Variants in RGS9 observed in about 807,000 individuals in gnomAD.
RGS9 encodes the protein regulator of G protein signaling 9.
In RGS9, 78 loss-of-function variants were observed where a neutral mutation model predicts 102.0. That is an observed-to-expected ratio of 0.76 (90% CI 0.64 to 0.92). RGS9 has a LOEUF of 0.92. Among genes scored for constraint, RGS9 ranks in the 40% least tolerant of loss-of-function variants. The pLI is 0.00. For missense variants in RGS9, 833 were observed against 866.1 expected (o/e 0.96, Z 0.48); for synonymous variants, 353 against 318.6 (o/e 1.11, Z -1.15).
intron 9 of RGS9, among the ~76,000 whole-genome samples, chr17:65,183,716 C>T (rs372507340): frequency 1.3e-5 from 2 of 152,204 alleles, no homozygotes; most frequent in Non-Finnish European, 2.9e-5. Context: ...CTCCCCATCT[C>T]GCCTTTGGCT....
chr17:65,196,608 G>A (rs538619060), intron 12 of RGS9, among the ~76,000 whole-genome samples: 26 of 151,418 alleles, frequency 1.7e-4, no homozygotes, highest in African/African-American at 5.5e-4. Context: ...GGTCTACTCC[G>A]AGGCACATGG....
At chr17:65,179,909 G>C (rs2144041117) in intron 9 of RGS9, 1 of 152,292 alleles carries the variant, frequency 6.6e-6, no homozygotes, top group South Asian at 2.1e-4. Context: ...ACGACAGAGG[G>C]TGCCTTTGCC....
At chr17:65,183,175 T>G (rs908290787) in intron 9 of RGS9, among the ~76,000 whole-genome samples, 3 of 152,088 alleles carry the variant, frequency 2.0e-5, no homozygotes. Context: ...CAGGCATGAG[T>G]GCAGTGGCAC....
intron 7 of RGS9, among the ~76,000 whole-genome samples, chr17:65,163,717 T>C (rs1911072565): frequency 1.3e-5 from 2 of 151,758 alleles, no homozygotes; most frequent in African/African-American, 4.8e-5. Context: ...AGGATAGCAG[T>C]TGTGGAGGAA....
intron 11 of RGS9, among the ~76,000 whole-genome samples, chr17:65,193,202 C>T (rs1485490131): frequency 2.1e-4 from 30 of 140,610 alleles, no homozygotes; most frequent in African/African-American, 6.8e-4. Flanking sequence ...GCCTGGGAGG[C>T]GGAGGCTGCA....
chr17:65,157,272 G>T (rs984373914), intron 2 of RGS9, among the ~76,000 whole-genome samples: 3 of 152,078 alleles, frequency 2.0e-5, no homozygotes, highest in African/African-American at 7.2e-5. Flanking sequence ...CTGCACGATG[G>T]TATCTGTGAT....
chr17:65,202,591 T>TACAA, intron 14 of RGS9, among the ~76,000 whole-genome samples: 1 of 152,050 alleles, frequency 6.6e-6, no homozygotes, highest in East Asian at 1.9e-4. Flanking sequence ...CAGCTTGGGG[T>TACAA]ACAAACATGG....
rs765213240 is a variant in RGS9 at position 65,160,276 on chromosome 17, T to G, written c.249T>G (p.Ile83Met). Reference sequence around the variant, plus strand: ...ACTTTATTGTCAGGTATGGCTACATTTACCCCCTGCAAGACCCCAAGAATC... The same window carrying G: ...ACTTTATTGTCAGGTATGGCTACATGTACCCCCTGCAAGACCCCAAGAATC... The part of the protein sequence containing the change: ...LGNFIVRYGY[I>M]YPLQDPKNLI... Residue 83 changes from isoleucine to methionine, a missense_variant, in exon 4 of 19, where the codon ATT (isoleucine) becomes ATG (methionine). Ile to Met is a conservative substitution (Grantham distance 10). Around this residue, in one of 3 missense-constraint regions of RGS9, gnomAD observed 328 missense variants for 340.6 expected, o/e 0.96. Transcript: ENST00000262406. 1 of 1,614,214 alleles carries G rather than the reference T, an allele frequency of 6.2e-7. No individual in the cohort carries two copies. The highest frequency in any genetic ancestry group is 1.7e-5 in the Admixed American group (1 of 60,028).
chr17:65,182,912 C>A (rs1662283028), intron 9 of RGS9, among the ~76,000 whole-genome samples: 1 of 152,312 alleles, frequency 6.6e-6, no homozygotes, highest in East Asian at 1.9e-4. Context: ...CAGTGAACTG[C>A]ATTTTTATTT....
intron 7 of RGS9, 56 bp from the exon 8 acceptor site, chr17:65,168,143 CA>C: frequency 8.5e-7 from 1 of 1,170,584 alleles, no homozygotes; most frequent in Non-Finnish European, 1.3e-6. Flanking sequence ...TGAGGGGCAT[CA>C]CTAATCAAAA....
chr17:65,187,260 C>A (rs2144057315), intron 9 of RGS9, among the ~76,000 whole-genome samples: 1 of 152,272 alleles, frequency 6.6e-6, no homozygotes, highest in South Asian at 2.1e-4. Context: ...TGGTCCCCTG[C>A]CATTAATGGT....
intron 17 of RGS9, among the ~76,000 whole-genome samples, chr17:65,210,909 C>T (rs1048455593): frequency 6.6e-6 from 1 of 152,040 alleles, no homozygotes; most frequent in South Asian, 2.1e-4. Flanking sequence ...GACTCAATTG[C>T]TGTGTGGCTG....
Position 65,225,106 on chromosome 17 carries a change from G to C in RGS9, c.1512G>C (p.Arg504Ser). 1.2e-6 allele frequency: 2 copies of C among 1,613,850 alleles called. No individual in the cohort carries two copies. Among genetic ancestry groups the C allele is most frequent in the Non-Finnish European group, 1.7e-6 (2 of 1,179,998 alleles). Residue 504 changes from arginine to serine, a missense_variant, in exon 18 of 19, where the codon AGG (arginine) becomes AGC (serine). Around this residue, in one of 3 missense-constraint regions of RGS9, gnomAD observed 320 missense variants for 276.8 expected, o/e 1.16. Transcript: ENST00000262406. ...SPFSSSCRSP[R>S]KPFASPSRFI... is the part of the protein sequence containing the mutation. ...TCTCCTCCTCCTGCCGCTCCCCCAG[G>C]AAGCCTTTCGCCTCACCCAGCCGCT...
chr17:65,201,466 G>C (rs1912841655), intron 13 of RGS9, among the ~76,000 whole-genome samples: 1 of 152,180 alleles, frequency 6.6e-6, no homozygotes, highest in African/African-American at 2.4e-5. Flanking sequence ...GCCAAACAAA[G>C]GAGGAAGAAC....
At chr17:65,220,549 G>A (rs139713490) in intron 17 of RGS9, among the ~76,000 whole-genome samples, 3 of 152,294 alleles carry the variant, frequency 2.0e-5, no homozygotes, top group East Asian at 3.9e-4. Flanking sequence ...TCCCCATGGG[G>A]CTAACTTTGC....
intron 14 of RGS9, among the ~76,000 whole-genome samples, chr17:65,202,454 AGAGAGAGAGAGAGT>A (rs1321663912): frequency 8.8e-4 from 122 of 138,608 alleles, no homozygotes; most frequent in Admixed American, 1.1e-3. Flanking sequence ...TGAGAGAGAG[AGAGAGAGAGAGAGT>A]GAGAGAGAGA....
At chr17:65,224,116 A>C (rs1308354689) in intron 17 of RGS9, among the ~76,000 whole-genome samples, 1 of 152,114 alleles carries the variant, frequency 6.6e-6, no homozygotes, top group Non-Finnish European at 1.5e-5. Context: ...AATCCAGCAA[A>C]CCCAGGCCCA....
At chr17:65,198,530 A>G (rs1912688095) in intron 13 of RGS9, among the ~76,000 whole-genome samples, 1 of 152,242 alleles carries the variant, frequency 6.6e-6, no homozygotes, top group Non-Finnish European at 1.5e-5. Flanking sequence ...TGTTGGGATT[A>G]CAGGCGTGAG....
chr17:65,200,249 C>A (rs1420337895), intron 13 of RGS9, among the ~76,000 whole-genome samples: 1 of 152,132 alleles, frequency 6.6e-6, no homozygotes, highest in Non-Finnish European at 1.5e-5. Context: ...TCAGGCTGGT[C>A]TCGAACTCCT....
Sources: allele counts gnomAD v4.1 joint callset (sites outside exome capture counted in the v4.1 genomes callset), GRCh38; gene constraint gnomAD v4.1.1; regional missense constraint gnomAD v4.1.1; transcripts MANE v1.5; gene names NCBI Gene and HGNC (gene_info 2026-07-23, HGNC 2026-07-21).